The following PTPN4 variants were observed in gnomAD, a reference collection of about 807,000 sequenced individuals.
PTPN4 encodes protein tyrosine phosphatase non-receptor type 4.
A neutral mutation model predicts 135.5 loss-of-function variants in PTPN4; 49 were observed. That is an observed-to-expected ratio of 0.36 (90% confidence interval 0.29 to 0.46). The LOEUF (loss-of-function observed/expected upper bound fraction) is 0.46, where lower values mean the gene tolerates loss of function less well. Among genes scored for constraint, PTPN4 ranks in the 20% least tolerant of loss-of-function variants. PTPN4 has a pLI of 1.00. For missense variants in PTPN4, 860 were observed against 1,101.0 expected (o/e 0.78, Z 3.10); for synonymous variants, 333 against 369.9 (o/e 0.90, Z 1.14).
intron 1 of PTPN4, among the ~76,000 whole-genome samples, chr2:119,808,052 A>G (rs1298655714): frequency 6.6e-6 from 1 of 152,216 alleles, no homozygotes; most frequent in East Asian, 1.9e-4. Context: ...CTTTCAATAA[A>G]CTAGGTATTG....
rs138727347 is a variant in PTPN4 at position 119,794,883 on chromosome 2, C to T, written c.-17-14954C>T. Among the ~76,000 whole-genome samples, 198 of 152,260 alleles carry T rather than the reference C, an allele frequency of 1.3e-3. 1 individual carries two copies. Among genetic ancestry groups the T allele is most frequent in the African/African-American group, 4.4e-3 (183 of 41,568 alleles). The stretch of plus-strand genomic sequence containing the variant: ...CAAGACAAAGAGGAGCTTTATTGAG[C>T]GACAGAGCAGCTCAGAGGAGACCTG... On this transcript the variant is annotated intron_variant, in intron 1 of 26. Coordinates refer to ENST00000263708, the MANE Select transcript of PTPN4 (RefSeq NM_002830.4).
chr2:119,901,494 C>T (rs1558759198), intron 10 of PTPN4, among the ~76,000 whole-genome samples: 1 of 152,186 alleles, frequency 6.6e-6, no homozygotes, highest in African/African-American at 2.4e-5. Flanking sequence ...AGTCTTATGC[C>T]TTGCCAGGTC....
At chr2:119,845,279 A>AGG in intron 2 of PTPN4, among the ~76,000 whole-genome samples, 1 of 127,448 alleles carries the variant, frequency 7.8e-6, no homozygotes, top group Non-Finnish European at 1.7e-5. Flanking sequence ...GGAGAGGGAG[A>AGG]GGGAGAGGGA....
At chr2:119,903,280 G>T (rs1052550432) in intron 10 of PTPN4, among the ~76,000 whole-genome samples, 2 of 152,058 alleles carry the variant, frequency 1.3e-5, no homozygotes, top group African/African-American at 4.8e-5. Context: ...CCTTTGGGGG[G>T]CTAAGTAAGG....
chr2:119,805,791 A>G (rs1280673494), intron 1 of PTPN4, among the ~76,000 whole-genome samples: 2 of 152,196 alleles, frequency 1.3e-5, no homozygotes, highest in Non-Finnish European at 2.9e-5. Flanking sequence ...TATGAACTTC[A>G]AAGTAGTTTT....
At chr2:119,798,569 A>G (rs1691305760) in intron 1 of PTPN4, among the ~76,000 whole-genome samples, 1 of 152,194 alleles carries the variant, frequency 6.6e-6, no homozygotes, top group Admixed American at 6.5e-5. Flanking sequence ...TTTTTTCCCA[A>G]AGAGAGAATT....
intron 3 of PTPN4, among the ~76,000 whole-genome samples, chr2:119,872,192 C>T (rs1677923215): frequency 6.6e-6 from 1 of 152,092 alleles, no homozygotes; most frequent in Non-Finnish European, 1.5e-5. Flanking sequence ...AAGTTTTCCA[C>T]ACCTTTTCTT....
chr2:119,805,570 T>G (rs541856558), intron 1 of PTPN4, among the ~76,000 whole-genome samples: 532 of 152,338 alleles, frequency 3.5e-3, no homozygotes, highest in Non-Finnish European at 5.3e-3. Flanking sequence ...TTGTCAGGTT[T>G]GTCAAAGATC....
At chr2:119,834,392 G>A (rs1429804034) in intron 2 of PTPN4, among the ~76,000 whole-genome samples, 1 of 151,676 alleles carries the variant, frequency 6.6e-6, no homozygotes, top group Non-Finnish European at 1.5e-5. Context: ...TTTCCTTTCT[G>A]CACACTGGAG....
intron 9 of PTPN4, among the ~76,000 whole-genome samples, chr2:119,897,752 T>C (rs111834645): frequency 1.3e-5 from 2 of 152,362 alleles, no homozygotes; most frequent in African/African-American, 4.8e-5. Context: ...CAAAGATAAC[T>C]ACATAGTTAA....
intron 25 of PTPN4, among the ~76,000 whole-genome samples, chr2:119,965,958 A>G (rs1038419739): frequency 3.3e-5 from 5 of 152,178 alleles, no homozygotes; most frequent in Non-Finnish European, 5.9e-5. Flanking sequence ...GTCTTAGTCC[A>G]TTTGTGCTAT....
chr2:119,877,634 G>A lies in PTPN4; in HGVS notation c.368+92G>A, dbSNP rs1480608836. 6 of 1,420,734 alleles carry A rather than the reference G, an allele frequency of 4.2e-6. No individual in the cohort carries two copies. In the South Asian group the frequency reaches 4.5e-5, roughly 11 times the overall value. The allele number at this position is 1,420,734 out of a possible 1,614,324, so 88.0% of individuals were successfully genotyped here. A position where few individuals can be genotyped will look rare whatever the true frequency, so the allele number is the denominator to read the frequency against. The stretch of plus-strand genomic sequence containing the variant: ...TTAGGCAAAAAGAAATTACTGTGGT[G>A]TAATTCTGAGCTTTCCAGTCAGTAC... On this transcript the variant is annotated intron_variant, in intron 5 of 26. Coordinates refer to ENST00000263708, the MANE Select transcript of PTPN4 (RefSeq NM_002830.4).
rs200177597 is a variant in PTPN4 at position 119,760,636 on chromosome 2, G to A, written c.-18+252G>A. ...AATCTCTGTTATGGGTCAGCGAAGG[G>A]CCAAGGGATGGAATAGGTGCGGAGA... On this transcript the variant is annotated intron_variant, in intron 1 of 26. Coordinates refer to ENST00000263708, the MANE Select transcript of PTPN4 (RefSeq NM_002830.4). Among the ~76,000 whole-genome samples, 7 of 151,974 alleles carry A rather than the reference G, an allele frequency of 4.6e-5. No individual in the cohort carries two copies. The East Asian group carries it at 1.4e-3, about 29-fold the overall frequency.
At chr2:119,861,755 A>AT (rs955928012) in intron 2 of PTPN4, among the ~76,000 whole-genome samples, 2 of 151,990 alleles carry the variant, frequency 1.3e-5, no homozygotes, top group Admixed American at 6.6e-5. Context: ...CATAAGTTAT[A>AT]TTTTTTATTG....
intron 1 of PTPN4, among the ~76,000 whole-genome samples, chr2:119,785,507 T>G (rs1416392778): frequency 6.6e-6 from 1 of 152,202 alleles, no homozygotes; most frequent in East Asian, 1.9e-4. Context: ...AGTTGTTAAA[T>G]ATACTGTTAT....
At chr2:119,847,580 C>G (rs1165599728) in intron 2 of PTPN4, among the ~76,000 whole-genome samples, 1 of 152,080 alleles carries the variant, frequency 6.6e-6, no homozygotes, top group Admixed American at 6.5e-5. Flanking sequence ...GCCGCCTCGG[C>G]CTCCCAAAGT....
In PTPN4 at chr2:119,809,821, T is replaced by A. The variant is rs1246594397; in HGVS notation, c.-17-16T>A. On this transcript the variant is annotated splice_polypyrimidine_tract_variant and intron_variant, in intron 1 of 26. Transcript: ENST00000263708. Reference sequence around the variant, plus strand: ...ACGAACCTTTTATTTAGTGAATTTTTTTTTTTTTAACTTAGACTTTGTGTG... The same window carrying A: ...ACGAACCTTTTATTTAGTGAATTTTATTTTTTTTAACTTAGACTTTGTGTG... The A allele has an allele frequency of 1.3e-6, 2 of 1,553,590 alleles. No homozygotes were observed. Among genetic ancestry groups the A allele is most frequent in the Admixed American group, 2.2e-5 (1 of 45,622 alleles).
chr2:119,912,395 T>C (rs1678584548), intron 10 of PTPN4, among the ~76,000 whole-genome samples: 1 of 152,204 alleles, frequency 6.6e-6, no homozygotes, highest in Non-Finnish European at 1.5e-5. Context: ...TATGTCACAC[T>C]TACCAAAGTA....
At chr2:119,915,303 G>T (rs1467614596) in intron 11 of PTPN4, 61 bp downstream of exon 11, 2 of 1,350,824 alleles carry the variant, frequency 1.5e-6, no homozygotes, top group Admixed American at 2.7e-5. Context: ...ACCCATTCAT[G>T]ACAGAACTTT....
Sources: gnomAD v4.1 joint callset for allele counts (sites outside exome capture counted in the v4.1 genomes callset) on GRCh38, gnomAD v4.1.1 for gene constraint, MANE v1.5 for transcripts, NCBI Gene and HGNC (gene_info 2026-07-23, HGNC 2026-07-21) for gene names.